The following ALK variants were observed in gnomAD, a reference collection of about 807,000 sequenced individuals.
ALK encodes ALK receptor tyrosine kinase, also known as ALK tyrosine kinase receptor.
ALK carries 74 observed loss-of-function variants against 163.1 expected under a neutral mutation model. That is an observed-to-expected ratio of 0.45 (90% CI 0.38 to 0.55). The LOEUF (loss-of-function observed/expected upper bound fraction) is 0.55. Ranked by LOEUF, ALK falls within the 20% of genes least tolerant of loss-of-function variation. ALK has a pLI of 0.00. For synonymous variants in ALK, 960 were observed against 843.2 expected, an observed-to-expected ratio of 1.14 and a Z score of -2.40; for missense variants, 2,063 against 2,105.3, an observed-to-expected ratio of 0.98 and a Z score of 0.39.
At chr2:29,845,054 G>C (rs1572430073) in intron 1 of ALK, among the ~76,000 whole-genome samples, 1 of 152,146 alleles carries the variant, frequency 6.6e-6, no homozygotes, top group Non-Finnish European at 1.5e-5. Flanking sequence ...GTCCCAGGGG[G>C]TTATGGATGT....
chr2:29,496,956 C>A (rs1672040257), intron 4 of ALK, among the ~76,000 whole-genome samples: 2 of 152,170 alleles, frequency 1.3e-5, no homozygotes, highest in Admixed American at 1.3e-4. Context: ...ACATTCCGGG[C>A]ACTATAGATT....
At chr2:29,872,525 C>T (rs571904835) in intron 1 of ALK, among the ~76,000 whole-genome samples, 1 of 152,316 alleles carries the variant, frequency 6.6e-6, no homozygotes, top group South Asian at 2.1e-4. Context: ...GGGAAAATCA[C>T]CTGGCAGGAC....
At chr2:29,846,422 T>C (rs1665844884) in intron 1 of ALK, among the ~76,000 whole-genome samples, 1 of 152,262 alleles carries the variant, frequency 6.6e-6, no homozygotes, top group African/African-American at 2.4e-5. Flanking sequence ...ACACTTATTG[T>C]CTGTCTTCCT....
At position 29,258,903 on chromosome 2, in the gene ALK, T is replaced by C. The variant is rs527939277; in HGVS notation, c.2042-7636A>G. Reference sequence around the variant, plus strand: ...AGCTTTTTGCTACTGGGTTGGTGATTGTCTATTTTTTTGAGTGAACAGAGC... The same window carrying C: ...AGCTTTTTGCTACTGGGTTGGTGATCGTCTATTTTTTTGAGTGAACAGAGC... On this transcript the variant is annotated intron_variant, in intron 11 of 28. Coordinates refer to ENST00000389048, the MANE Select transcript of ALK (RefSeq NM_004304.5). Among the ~76,000 whole-genome samples the C allele has an allele frequency of 6.6e-5, 10 of 152,336 alleles. No homozygotes were observed. In the South Asian group the frequency reaches 1.7e-3, roughly 25 times the overall value.
intron 1 of ALK, among the ~76,000 whole-genome samples, chr2:29,835,124 G>T (rs527830618): frequency 1.5e-4 from 23 of 152,322 alleles, no homozygotes; most frequent in East Asian, 5.8e-4. Flanking sequence ...GCAGCAAAAG[G>T]CTGAGTATCC....
chr2:29,214,654 T>C (rs1386752466), intron 23 of ALK, among the ~76,000 whole-genome samples: 2 of 152,254 alleles, frequency 1.3e-5, no homozygotes, highest in East Asian at 3.8e-4. Context: ...GCATGAGGTC[T>C]CTTTCATTCA....
At position 29,729,349 on chromosome 2, in the gene ALK, A is replaced by G. The variant is rs1679670972; in HGVS notation, c.668-11652T>C. Reference sequence around the variant, plus strand: ...GGGAGAGCAGGGAGAGAGAGAAAAGAAGAGAGAGGAAGGAGAAGGGAGAGA... The same window carrying G: ...GGGAGAGCAGGGAGAGAGAGAAAAGGAGAGAGAGGAAGGAGAAGGGAGAGA... On this transcript the variant is annotated intron_variant, in intron 1 of 28. Transcript: ENST00000389048. 4.6e-5 allele frequency among the ~76,000 whole-genome samples: 7 copies of G among 152,304 alleles called. 1 individual carries two copies. In the South Asian group the frequency reaches 1.2e-3, roughly 27 times the overall value.
intron 4 of ALK, among the ~76,000 whole-genome samples, chr2:29,432,140 T>C (rs1670286884): frequency 6.6e-6 from 1 of 152,142 alleles, no homozygotes; most frequent in East Asian, 1.9e-4. Flanking sequence ...GAAAAGAATA[T>C]ACTTTGGATG....
intron 3 of ALK, among the ~76,000 whole-genome samples, chr2:29,679,820 CT>C (rs1246721396): frequency 6.6e-6 from 1 of 151,896 alleles, no homozygotes; most frequent in Non-Finnish European, 1.5e-5. Context: ...AAGTTAGCTC[CT>C]GGTATGATTC....
intron 1 of ALK, among the ~76,000 whole-genome samples, chr2:29,760,626 T>A (rs2148336848): frequency 6.6e-6 from 1 of 152,284 alleles, no homozygotes; most frequent in East Asian, 1.9e-4. Flanking sequence ...AATGACCTGG[T>A]CCAGGTGAGT....
intron 1 of ALK, among the ~76,000 whole-genome samples, chr2:29,848,087 G>A (rs1008171262): frequency 6.6e-6 from 1 of 152,092 alleles, no homozygotes. Context: ...GGTGAGGCTC[G>A]GTACGCAGCT....
rs920763513 is a variant in ALK, at chr2:29,696,934, A to T, written c.788-1920T>A. ...TGCTTGCCCTTTTCCCTAAAAAAAA[A>T]AATAAAATAAAATAAATAAAAACAA... On this transcript the variant is annotated intron_variant, in intron 2 of 28. Coordinates refer to ENST00000389048, the MANE Select transcript of ALK (RefSeq NM_004304.5). 2.6e-5 allele frequency among the ~76,000 whole-genome samples: 4 copies of T among 151,176 alleles called. 1 individual carries two copies. Among genetic ancestry groups the T allele is most frequent in the African/African-American group, 2.4e-5 (1 of 41,224 alleles).
In ALK at chr2:29,595,470, A is replaced by G. The variant is rs147342876; in HGVS notation, c.953-63354T>C. Among the ~76,000 whole-genome samples the G allele has an allele frequency of 9.7e-3, 1,472 of 151,984 alleles. 23 individuals carry two copies. Among genetic ancestry groups the G allele is most frequent in the African/African-American group, 0.033 (1,375 of 41,444 alleles). The stretch of plus-strand genomic sequence containing the variant: ...CGAGTAACTGGGACTACAGGCGCCC[A>G]CCACCACGCCCGGCTAATTTTTTGT... On this transcript the variant is annotated intron_variant, in intron 3 of 28. Transcript: ENST00000389048.
chr2:29,539,663 A>C (rs979286069), intron 3 of ALK, among the ~76,000 whole-genome samples: 3 of 152,186 alleles, frequency 2.0e-5, no homozygotes, highest in African/African-American at 7.2e-5. Flanking sequence ...TCTAATTTTA[A>C]TAATCTGAAG....
chr2:29,902,198 G>A (rs1667432246), intron 1 of ALK, among the ~76,000 whole-genome samples: 1 of 152,126 alleles, frequency 6.6e-6, no homozygotes, highest in South Asian at 2.1e-4. Context: ...CTCCCCAGGT[G>A]CAAATTGAAC....
At chr2:29,590,850 T>A (rs1675032400) in intron 3 of ALK, among the ~76,000 whole-genome samples, 1 of 151,564 alleles carries the variant, frequency 6.6e-6, no homozygotes, top group Non-Finnish European at 1.5e-5. Flanking sequence ...GACGGGCGGA[T>A]CACGAGGTCA....
intron 1 of ALK, among the ~76,000 whole-genome samples, chr2:29,883,937 A>G (rs1283387520): frequency 6.6e-6 from 1 of 152,236 alleles, no homozygotes; most frequent in East Asian, 1.9e-4. Context: ...ATCATTTACT[A>G]CCATAAAACA....
chr2:29,326,508 G>C (rs1667266866), intron 6 of ALK, among the ~76,000 whole-genome samples: 1 of 152,092 alleles, frequency 6.6e-6, no homozygotes, highest in South Asian at 2.1e-4. Context: ...AATAAATAGA[G>C]ACACACACAC....
At chr2:29,808,676 T>C (rs963142736) in intron 1 of ALK, among the ~76,000 whole-genome samples, 1 of 152,108 alleles carries the variant, frequency 6.6e-6, no homozygotes, top group South Asian at 2.1e-4. Flanking sequence ...CCATGAAGGG[T>C]GGTGTCAGCA....
Sources: gnomAD v4.1 joint callset for allele counts (sites outside exome capture counted in the v4.1 genomes callset) on GRCh38, gnomAD v4.1.1 for gene constraint, MANE v1.5 for transcripts, NCBI Gene and HGNC (gene_info 2026-07-23, HGNC 2026-07-21) for gene names.